The following CERS6 variants were observed in gnomAD, a reference collection of about 807,000 sequenced individuals.
CERS6 encodes ceramide synthase 6, also known as LAG1 homolog, ceramide synthase 6.
CERS6 carries 26 observed loss-of-function variants against 56.8 expected under a neutral mutation model. The observed-to-expected ratio is 0.46, with a 90% CI of 0.34 to 0.63. The LOEUF (loss-of-function observed/expected upper bound fraction) is 0.63, where lower values mean the gene tolerates loss of function less well. Ranked by LOEUF, CERS6 falls within the 30% of genes least tolerant of loss-of-function variation. CERS6 has a pLI of 0.01. For missense variants in CERS6, 415 were observed against 467.5 expected (o/e 0.89, Z 1.04); for synonymous variants, 164 against 173.3 (o/e 0.95, Z 0.42).
chr2:168,555,722 C>CTCTGTGTGTG (rs1261403157), intron 2 of CERS6, among the ~76,000 whole-genome samples: 164 of 141,006 alleles, frequency 1.2e-3, no homozygotes, highest in East Asian at 3.7e-3. Flanking sequence ...ATAATTGACT[C>CTCTGTGTGTG]TGTGTGTGTG....
chr2:168,630,108 G>T (rs113998786), intron 3 of CERS6, among the ~76,000 whole-genome samples: 1 of 151,922 alleles, frequency 6.6e-6, no homozygotes, highest in Admixed American at 6.6e-5. Context: ...GAGCCAACAC[G>T]CCCAGCCCTT....
chr2:168,525,297 C>G (rs1695051519), intron 1 of CERS6, among the ~76,000 whole-genome samples: 1 of 152,182 alleles, frequency 6.6e-6, no homozygotes, highest in Non-Finnish European at 1.5e-5. Context: ...GGACAGGTCC[C>G]CAGAATTTGT....
chr2:168,505,139 G>C (rs2105347229), intron 1 of CERS6, among the ~76,000 whole-genome samples: 2 of 152,160 alleles, frequency 1.3e-5, no homozygotes, highest in South Asian at 2.1e-4. Flanking sequence ...CACTTTGGGA[G>C]GCCAAGCGGG....
At chr2:168,606,718 C>T (rs1684061835) in intron 3 of CERS6, among the ~76,000 whole-genome samples, 1 of 152,178 alleles carries the variant, frequency 6.6e-6, no homozygotes, top group African/African-American at 2.4e-5. Context: ...ACCCAAATCT[C>T]ATACTGATAT....
chr2:168,468,234 T>C (rs1335819258), intron 1 of CERS6, among the ~76,000 whole-genome samples: 1 of 152,158 alleles, frequency 6.6e-6, no homozygotes, highest in East Asian at 1.9e-4. Flanking sequence ...ATGGTCTCCC[T>C]CTGGGTGGAG....
intron 4 of CERS6, among the ~76,000 whole-genome samples, chr2:168,666,786 T>G (rs1685772731): frequency 6.6e-6 from 1 of 152,218 alleles, no homozygotes; most frequent in African/African-American, 2.4e-5. Flanking sequence ...GTTTCCTTTT[T>G]CAGGTTCTCC....
rs142344813 is a variant in CERS6 at position 168,689,568 on chromosome 2, C to T, written c.466-1466C>T. On this transcript the variant is annotated intron_variant, in intron 4 of 9. Transcript: ENST00000305747. The stretch of plus-strand genomic sequence containing the variant: ...AGCCTCCCAAGTAGTTTTATGCACA[C>T]GCTCTCATTTGATCTTCACAATCAC... Among the ~76,000 whole-genome samples, 484 of 152,242 alleles carry T rather than the reference C, an allele frequency of 3.2e-3. 3 individuals carry two copies. The highest frequency in any genetic ancestry group is 0.026 in the Admixed American group (392 of 15,294).
At chr2:168,719,821 G>A (rs922149595) in intron 8 of CERS6, among the ~76,000 whole-genome samples, 1 of 151,864 alleles carries the variant, frequency 6.6e-6, no homozygotes. Context: ...GAAATATAAT[G>A]CAGGCTTTAT....
chr2:168,748,292 A>T (rs1684167706), intron 8 of CERS6, among the ~76,000 whole-genome samples: 1 of 152,210 alleles, frequency 6.6e-6, no homozygotes, highest in African/African-American at 2.4e-5. Context: ...GGACTATGGA[A>T]ATAAGTAATT....
At chr2:168,569,220 C>CA (rs948294766) in intron 3 of CERS6, among the ~76,000 whole-genome samples, 6 of 152,264 alleles carry the variant, frequency 3.9e-5, no homozygotes, top group African/African-American at 1.4e-4. Context: ...TCTTCCTCTT[C>CA]TTATAAGAAC....
intron 3 of CERS6, among the ~76,000 whole-genome samples, chr2:168,570,304 C>T (rs16855507): frequency 0.012 from 1,837 of 152,226 alleles, 30 homozygotes; most frequent in African/African-American, 0.04. Context: ...TACTGTGTAG[C>T]GATGTGACAG....
At chr2:168,652,168 A>G (rs1400064272) in intron 4 of CERS6, among the ~76,000 whole-genome samples, 2 of 152,102 alleles carry the variant, frequency 1.3e-5, no homozygotes, top group African/African-American at 4.8e-5. Flanking sequence ...CAAATAAGCA[A>G]ACTTAGTTCA....
At chr2:168,601,869 A>G (rs973215365) in intron 3 of CERS6, among the ~76,000 whole-genome samples, 11 of 152,176 alleles carry the variant, frequency 7.2e-5, no homozygotes, top group Non-Finnish European at 1.2e-4. Flanking sequence ...TTATCTTAAT[A>G]CCCTTAAAAA....
At chr2:168,592,360 C>T (rs751070847) in intron 3 of CERS6, among the ~76,000 whole-genome samples, 2 of 152,110 alleles carry the variant, frequency 1.3e-5, no homozygotes, top group African/African-American at 2.4e-5. Context: ...CTGGCTGGAG[C>T]TCAGGACGTG....
chr2:168,744,699 A>G lies in CERS6; in HGVS notation c.846-20893A>G, dbSNP rs995780399. 1.3e-3 allele frequency among the ~76,000 whole-genome samples: 203 copies of G among 152,224 alleles called. 1 individual carries two copies. Among genetic ancestry groups the G allele is most frequent in the Non-Finnish European group, 3.2e-4 (22 of 68,038 alleles). Reference sequence around the variant, plus strand: ...AAACATTGAATTTTGCCTGATAAATATCATTCAGGCACACACAATCATAAA... The same window carrying G: ...AAACATTGAATTTTGCCTGATAAATGTCATTCAGGCACACACAATCATAAA... On this transcript the variant is annotated intron_variant, in intron 8 of 9. Transcript: ENST00000305747.
chr2:168,766,272 CTG>C (rs779492179), intron 9 of CERS6: 1 of 1,572,518 alleles, frequency 6.4e-7, no homozygotes, highest in East Asian at 2.2e-5. Flanking sequence ...AGATCATTCT[CTG>C]TGACATTTTC....
chr2:168,733,620 A>C (rs1156247747), intron 8 of CERS6, among the ~76,000 whole-genome samples: 1 of 152,202 alleles, frequency 6.6e-6, no homozygotes, highest in Admixed American at 6.5e-5. Context: ...TGCGTATCTT[A>C]CAGTAGACGA....
intron 4 of CERS6, among the ~76,000 whole-genome samples, chr2:168,689,804 ATAGT>A (rs1204314663): frequency 6.6e-6 from 1 of 152,212 alleles, no homozygotes; most frequent in East Asian, 1.9e-4. Context: ...ATTCTGGAAC[ATAGT>A]TAGGTTTAGG....
intron 1 of CERS6, among the ~76,000 whole-genome samples, chr2:168,523,522 A>G (rs1042604225): frequency 1.3e-5 from 2 of 152,116 alleles, no homozygotes; most frequent in African/African-American, 4.8e-5. Flanking sequence ...GAAGAGCCAC[A>G]CTGTGTACGA....
Sources: gnomAD v4.1 joint callset for allele counts (sites outside exome capture counted in the v4.1 genomes callset) on GRCh38, gnomAD v4.1.1 for gene constraint, MANE v1.5 for transcripts, NCBI Gene and HGNC (gene_info 2026-07-23, HGNC 2026-07-21) for gene names.